The following SMG6 variants were observed in gnomAD, a reference collection of about 807,000 sequenced individuals.
The protein encoded by SMG6 is SMG6 nonsense mediated mRNA decay factor, also known as telomerase-binding protein EST1A.
SMG6 carries 66 observed loss-of-function variants against 142.2 expected under a neutral mutation model. The observed-to-expected ratio is 0.46, with a 90% confidence interval of 0.38 to 0.57. The LOEUF (loss-of-function observed/expected upper bound fraction) is 0.57, where lower values mean the gene tolerates loss of function less well. Ranked by LOEUF, SMG6 falls within the 20% of genes least tolerant of loss-of-function variation. The pLI is 0.00. For missense variants in SMG6, 1,793 were observed against 1,832.0 expected, an observed-to-expected ratio of 0.98 and a Z score of 0.39; for synonymous variants, 779 against 702.4, an observed-to-expected ratio of 1.11 and a Z score of -1.72.
chr17:2,285,910 G>A lies in SMG6; in HGVS notation c.2338-2175C>T, dbSNP rs201060767. 2.0e-5 allele frequency among the ~76,000 whole-genome samples: 3 copies of A among 152,076 alleles called. No homozygotes were observed. In the East Asian group the frequency reaches 5.8e-4, roughly 29 times the overall value. On this transcript the variant is annotated intron_variant, in intron 6 of 18. Coordinates refer to ENST00000263073, the MANE Select transcript of SMG6 (RefSeq NM_017575.5). ...GCTGGTCTGGAACTCATGACCTCAA[G>A]TGATCCGCCTGCCTCAGCCTCCCAA...
chr17:2,122,539 A>G (rs1180399904), intron 13 of SMG6: 1 of 152,226 alleles, frequency 6.6e-6, no homozygotes, highest in Non-Finnish European at 1.5e-5. Flanking sequence ...TAAAGGCTAG[A>G]AAGGTTTAAA....
chr17:2,295,506 C>T (rs216201), intron 4 of SMG6, among the ~76,000 whole-genome samples: 87,097 of 151,980 alleles, frequency 0.57, 26,210 homozygotes, highest in East Asian at 0.75. Context: ...CACTACAATC[C>T]GGCTTCCAGT....
intron 12 of SMG6, among the ~76,000 whole-genome samples, chr17:2,180,090 G>A (rs538415904): frequency 1.3e-5 from 2 of 152,264 alleles, no homozygotes; most frequent in South Asian, 4.1e-4. Flanking sequence ...GGATGCAAGG[G>A]GTCACTATGC....
intron 13 of SMG6, among the ~76,000 whole-genome samples, chr17:2,146,143 A>G (rs931093473): frequency 1.3e-5 from 2 of 152,216 alleles, no homozygotes; most frequent in East Asian, 3.8e-4. Flanking sequence ...ATAGTAATGC[A>G]AAAATATGCT....
chr17:2,199,038 CG>C (rs1300409024), intron 10 of SMG6, among the ~76,000 whole-genome samples: 1 of 150,894 alleles, frequency 6.6e-6, no homozygotes. Flanking sequence ...AGAACGTCAT[CG>C]TCAAGGCCGT....
At chr17:2,149,427 T>C (rs1015949491) in intron 13 of SMG6, among the ~76,000 whole-genome samples, 9 of 138,622 alleles carry the variant, frequency 6.5e-5, no homozygotes, top group South Asian at 4.4e-4. Context: ...ATTAAAAAAA[T>C]AGAATGAACA....
intron 13 of SMG6, chr17:2,088,761 C>T: frequency 1.2e-5 from 12 of 985,378 alleles, no homozygotes; most frequent in Non-Finnish European, 1.4e-5. Flanking sequence ...GCAGAATGTC[C>T]AGGGCTTGCC....
At chr17:2,302,632 G>C (rs1428356622) in intron 1 of SMG6, among the ~76,000 whole-genome samples, 1 of 152,220 alleles carries the variant, frequency 6.6e-6, no homozygotes, top group Admixed American at 6.5e-5. Context: ...GGAATCATAT[G>C]CTCCAGCAAG....
chr17:2,156,574 G>A (rs1298017974), intron 13 of SMG6, among the ~76,000 whole-genome samples: 2 of 152,066 alleles, frequency 1.3e-5, no homozygotes, highest in East Asian at 3.9e-4. Context: ...GGGCACCCAG[G>A]TGCATCCCTT....
intron 13 of SMG6, among the ~76,000 whole-genome samples, chr17:2,107,820 C>T (rs1168628200): frequency 6.6e-6 from 1 of 152,146 alleles, no homozygotes; most frequent in Non-Finnish European, 1.5e-5. Flanking sequence ...GGTGGGACTG[C>T]AGAAAGGAAT....
chr17:2,215,096 A>G (rs983198414), intron 10 of SMG6, among the ~76,000 whole-genome samples: 3 of 152,190 alleles, frequency 2.0e-5, no homozygotes, highest in African/African-American at 7.2e-5. Context: ...CAGCTCTGGT[A>G]CAGTAATTAA....
chr17:2,260,434 T>G (rs575232703), intron 8 of SMG6, among the ~76,000 whole-genome samples: 1 of 152,254 alleles, frequency 6.6e-6, no homozygotes. Flanking sequence ...GCTAGTTTTT[T>G]TGGTCAATCA....
chr17:2,169,052 T>TA (rs2071425740), intron 13 of SMG6, among the ~76,000 whole-genome samples: 1 of 147,494 alleles, frequency 6.8e-6, no homozygotes, highest in Non-Finnish European at 1.5e-5. Context: ...AGCCAAAACT[T>TA]TTTTTTTTTT....
intron 9 of SMG6, chr17:2,237,682 GCTC>G (rs1184017662): frequency 2.3e-6 from 1 of 434,812 alleles, no homozygotes; most frequent in African/African-American, 2.1e-5. Flanking sequence ...GTGACCTAGG[GCTC>G]CTAAGGAGAG....
At chr17:2,121,328 A>G (rs2069681085) in intron 13 of SMG6, among the ~76,000 whole-genome samples, 1 of 152,236 alleles carries the variant, frequency 6.6e-6, no homozygotes, top group South Asian at 2.1e-4. Context: ...TGAGCTACTA[A>G]TATATACTAA....
In SMG6 at chr17:2,068,753, G is replaced by A. The variant is rs1014917803; in HGVS notation, c.3835+25C>T. 3.1e-6 allele frequency: 5 copies of A among 1,609,998 alleles called. No homozygotes were observed. The highest frequency in any genetic ancestry group is 1.1e-5 in the South Asian group (1 of 90,538). On this transcript the variant is annotated intron_variant, in intron 16 of 18. Coordinates refer to ENST00000263073, the MANE Select transcript of SMG6 (RefSeq NM_017575.5). This position sits in a 1 kb window ranked among gnomAD's most constrained non-coding sequence, Gnocchi z 6.7. ...GGGGCTGCTGTGCACATGCAAGGCC[G>A]CTCTGCCCTTCCCGCCTGACTCACC...
intron 8 of SMG6, chr17:2,280,482 C>A: frequency 2.1e-6 from 1 of 483,120 alleles, no homozygotes; most frequent in Non-Finnish European, 2.7e-6. Context: ...CCAGGCTGGT[C>A]TCGAACTCCT....
rs189387651 is a variant in SMG6 at position 2,163,150 on chromosome 17, A to C, written c.3357+9508T>G. 1.2e-4 allele frequency among the ~76,000 whole-genome samples: 18 copies of C among 151,988 alleles called. No homozygotes were observed. In the East Asian group the frequency reaches 3.5e-3, roughly 30 times the overall value. ...CCTGGCTGCTAATCTTAATTTGTAA[A>C]GTATTTCTAAATGAACATTTATTTT... is the stretch of plus-strand genomic sequence containing the variant. On this transcript the variant is annotated intron_variant, in intron 13 of 18. Transcript: ENST00000263073.
chr17:2,129,533 C>T (rs953786798), intron 13 of SMG6, among the ~76,000 whole-genome samples: 21 of 152,178 alleles, frequency 1.4e-4, no homozygotes, highest in African/African-American at 4.8e-4. Context: ...GTTGGTCACA[C>T]CTGTAATCCC....
Sources: gnomAD v4.1 joint callset for allele counts (sites outside exome capture counted in the v4.1 genomes callset) on GRCh38, gnomAD v4.1.1 for gene constraint, Gnocchi (gnomAD v3.1) non-coding constraint, MANE v1.5 for transcripts, NCBI Gene and HGNC (gene_info 2026-07-23, HGNC 2026-07-21) for gene names.